Variants in CGNL1 observed in about 807,000 individuals in gnomAD.
The protein encoded by CGNL1 is cingulin like 1.
CGNL1 carries 132 observed loss-of-function variants against 141.2 expected under a neutral mutation model. The observed-to-expected ratio is 0.93, with a 90% CI of 0.81 to 1.08. The LOEUF (loss-of-function observed/expected upper bound fraction) is 1.08. CGNL1 is among the 50% of genes least tolerant of loss of function. The pLI is 0.00. For missense variants in CGNL1, 1,870 were observed against 1,588.6 expected (o/e 1.18, Z -3.01); for synonymous variants, 690 against 622.1 (o/e 1.11, Z -1.63).
At chr15:57,389,841 G>T (rs2062522889) in intron 1 of CGNL1, among the ~76,000 whole-genome samples, 1 of 151,824 alleles carries the variant, frequency 6.6e-6, no homozygotes, top group African/African-American at 2.4e-5. Flanking sequence ...TTGAGATGGA[G>T]TCTCACTCTG....
At chr15:57,481,064 GTTTTTTTTT>G (rs11298152) in intron 8 of CGNL1, among the ~76,000 whole-genome samples, 1 of 116,086 alleles carries the variant, frequency 8.6e-6, no homozygotes, top group African/African-American at 3.1e-5. Flanking sequence ...AAGACCTGGG[GTTTTTTTTT>G]TTTTTTTTTT....
chr15:57,515,918 G>A (rs972948446), intron 8 of CGNL1, among the ~76,000 whole-genome samples: 4 of 152,096 alleles, frequency 2.6e-5, no homozygotes, highest in Admixed American at 6.5e-5. Flanking sequence ...CAGCACTTTG[G>A]GAGGCCGAGG....
At chr15:57,472,249 A>C (rs1417720739) in intron 8 of CGNL1, among the ~76,000 whole-genome samples, 1 of 152,028 alleles carries the variant, frequency 6.6e-6, no homozygotes, top group Non-Finnish European at 1.5e-5. Flanking sequence ...TAGCATGTGC[A>C]AGGGGGCTTG....
chr15:57,385,828 C>T (rs7163727), intron 1 of CGNL1, among the ~76,000 whole-genome samples: 41,110 of 152,092 alleles, frequency 0.27, 6,751 homozygotes, highest in East Asian at 0.49. Context: ...TCTAATGGGC[C>T]AAGGCCAAGG....
At chr15:57,440,109 T>TAAA (rs34790913) in intron 2 of CGNL1, among the ~76,000 whole-genome samples, 34,992 of 142,582 alleles carry the variant, frequency 0.25, 4,676 homozygotes, top group East Asian at 0.37. Flanking sequence ...GATAAAATGG[T>TAAA]AAAAAAAAAA....
chr15:57,391,983 C>CG (rs1293853200), intron 1 of CGNL1, among the ~76,000 whole-genome samples: 2 of 148,424 alleles, frequency 1.3e-5, no homozygotes, highest in East Asian at 2.0e-4. Flanking sequence ...TCCCCCCCCT[C>CG]ACCTGACACC....
chr15:57,532,772 C>T (rs1460047246), intron 14 of CGNL1, among the ~76,000 whole-genome samples: 2 of 152,250 alleles, frequency 1.3e-5, no homozygotes, highest in Admixed American at 6.5e-5. Context: ...CCACATTCCA[C>T]ACACTTGCTT....
chr15:57,546,345 T>A, intron 18 of CGNL1, 106 bp downstream of exon 18: 1 of 1,334,522 alleles, frequency 7.5e-7, no homozygotes, highest in East Asian at 2.6e-5. Flanking sequence ...CAGCTCCTCA[T>A]TGTTGCTTTT....
intron 8 of CGNL1, among the ~76,000 whole-genome samples, chr15:57,497,093 G>T (rs188409242): frequency 2.6e-5 from 4 of 152,326 alleles, no homozygotes; most frequent in African/African-American, 9.6e-5. Flanking sequence ...GCTGTGTTTG[G>T]CGGTATGGGG....
rs577405562 is a variant in CGNL1, at chr15:57,542,421, G to A, written c.3292-1275G>A. 4.9e-4 allele frequency among the ~76,000 whole-genome samples: 74 copies of A among 152,322 alleles called. 1 individual carries two copies. The highest frequency in any genetic ancestry group is 1.2e-3 in the Admixed American group (18 of 15,298). ...GACAGTTCTGGCAACAGGGTCTGGAGCCTCCGCCTCATAACTCATTTTACT... is the reference window on the plus strand; with the variant it reads ...GACAGTTCTGGCAACAGGGTCTGGAACCTCCGCCTCATAACTCATTTTACT... On this transcript the variant is annotated intron_variant, in intron 14 of 18. Transcript: ENST00000281282.
Position 57,453,729 on chromosome 15 carries a change from A to C in CGNL1, c.2101A>C (p.Arg701=). 1 of 1,613,956 alleles carries C rather than the reference A, an allele frequency of 6.2e-7. No homozygotes were observed. The highest frequency in any genetic ancestry group is 1.1e-5 in the South Asian group (1 of 91,070). Reference sequence around the variant, plus strand: ...ACGGGAGCAGCATCAGACTGAGATCAGGGATCTCCAGGACCAGCTCTCAGA... The same window carrying C: ...ACGGGAGCAGCATCAGACTGAGATCCGGGATCTCCAGGACCAGCTCTCAGA... The part of the protein sequence containing the change: ...MEREQHQTEI[R]DLQDQLSEMH... Residue 701 remains arginine, a synonymous_variant, in exon 7 of 19, where the codon AGG becomes CGG. Transcript: ENST00000281282.
chr15:57,547,583 T>TTTGG lies in CGNL1; in HGVS notation c.*93_*94insTTGG. ...AGGGAGGGGAGCATCTGTCTGCCAC[T>TTTGG]GAGACCAATCACAGCCTCTTTGCAC... On this transcript the variant is annotated 3_prime_UTR_variant, in exon 19 of 19. Transcript: ENST00000281282. The TTTGG allele has an allele frequency of 6.9e-7, 1 of 1,439,914 alleles. No homozygotes were observed. The highest frequency in any genetic ancestry group is 9.5e-7 in the Non-Finnish European group (1 of 1,053,022). The allele number at this position is 1,439,914 out of a possible 1,614,324, so 89.2% of individuals were successfully genotyped here.
chr15:57,497,734 C>G (rs1398392967), intron 8 of CGNL1, among the ~76,000 whole-genome samples: 3 of 152,206 alleles, frequency 2.0e-5, no homozygotes, highest in African/African-American at 4.8e-5. Flanking sequence ...GTGGCTTCAG[C>G]TCAGGCCACA....
At chr15:57,526,958 T>C (rs1184865420) in intron 12 of CGNL1, among the ~76,000 whole-genome samples, 1 of 152,232 alleles carries the variant, frequency 6.6e-6, no homozygotes, top group Non-Finnish European at 1.5e-5. Context: ...ATGTTCTTTC[T>C]GGGTATCATC....
At chr15:57,473,245 A>C (rs1256482427) in intron 8 of CGNL1, among the ~76,000 whole-genome samples, 1 of 152,008 alleles carries the variant, frequency 6.6e-6, no homozygotes, top group Admixed American at 6.6e-5. Flanking sequence ...TCTATGTTAT[A>C]CTCTCTCTGA....
Position 57,543,763 on chromosome 15 carries a change from T to G in CGNL1, c.3359T>G (p.Ile1120Ser). 1 of 1,614,010 alleles carries G rather than the reference T, an allele frequency of 6.2e-7. No individual in the cohort carries two copies. The highest frequency in any genetic ancestry group is 8.5e-7 in the Non-Finnish European group (1 of 1,179,934). Residue 1120 changes from isoleucine (I) to serine (S), a missense_variant, in exon 15 of 19, where the codon ATT (isoleucine) becomes AGT (serine). Ile to Ser is a moderately radical substitution (Grantham distance 142, BLOSUM62 -2). Coordinates refer to ENST00000281282, the MANE Select transcript of CGNL1 (RefSeq NM_032866.5). ...AARQDLECDK[I>S]SLERQNKDLK... Reference sequence around the variant, plus strand: ...AGACAAGACTTGGAGTGCGACAAGATTTCCCTGGAGAGGCAGGTGAGGGCA... The same window carrying G: ...AGACAAGACTTGGAGTGCGACAAGAGTTCCCTGGAGAGGCAGGTGAGGGCA...
intron 8 of CGNL1, among the ~76,000 whole-genome samples, chr15:57,464,410 C>G (rs2063483941): frequency 6.6e-6 from 1 of 152,006 alleles, no homozygotes; most frequent in Admixed American, 6.6e-5. Context: ...TAACATAGAC[C>G]AATACACCCC....
At chr15:57,485,240 C>G (rs952843406) in intron 8 of CGNL1, among the ~76,000 whole-genome samples, 1 of 151,938 alleles carries the variant, frequency 6.6e-6, no homozygotes, top group Admixed American at 6.6e-5. Flanking sequence ...TTGTCTAGTT[C>G]GAGTCCATTT....
chr15:57,457,967 AG>A (rs1442717418), intron 7 of CGNL1, among the ~76,000 whole-genome samples: 2 of 152,184 alleles, frequency 1.3e-5, no homozygotes, highest in African/African-American at 4.8e-5. Flanking sequence ...GTGAAGGGAA[AG>A]GGCATTAGGA....
Sources: allele counts gnomAD v4.1 joint callset (sites outside exome capture counted in the v4.1 genomes callset), GRCh38; gene constraint gnomAD v4.1.1; transcripts MANE v1.5; gene names NCBI Gene and HGNC (gene_info 2026-07-23, HGNC 2026-07-21).